Variants in GPC3 observed in about 807,000 individuals in gnomAD.
GPC3 encodes the protein glypican-3.
A neutral mutation model predicts 34.4 loss-of-function variants in GPC3; 3 were observed. That is an observed-to-expected ratio of 0.09 (90% confidence interval 0.04 to 0.23). The LOEUF (loss-of-function observed/expected upper bound fraction) is 0.23. GPC3 is among the 10% of genes least tolerant of loss of function. GPC3 has a pLI of 1.00. For synonymous variants in GPC3, 177 were observed against 174.0 expected (o/e 1.02, Z -0.13); for missense variants, 351 against 445.6 (o/e 0.79, Z 1.91).
chrX:133,640,135 C>T (rs777948779), intron 6 of GPC3, among the ~76,000 whole-genome samples: 24 of 112,039 alleles, frequency 2.1e-4, no homozygotes, highest in Middle Eastern at 4.7e-3. Context: ...TATTTCCTGT[C>T]TTAGGCACAG....
intron 2 of GPC3, among the ~76,000 whole-genome samples, chrX:133,877,744 A>T (rs961953460): frequency 1.6e-4 from 18 of 112,333 alleles, no homozygotes; most frequent in African/African-American, 5.8e-4. Context: ...GCCATAAAAA[A>T]ATAGGTTTTA....
intron 7 of GPC3, among the ~76,000 whole-genome samples, chrX:133,583,551 G>A (rs1174855900): frequency 9.0e-6 from 1 of 110,813 alleles, no homozygotes; most frequent in Non-Finnish European, 1.9e-5. Context: ...TTTTAGTAGA[G>A]ACGGGATGTT....
intron 2 of GPC3, among the ~76,000 whole-genome samples, chrX:133,924,125 A>G (rs1486193575): frequency 8.9e-6 from 1 of 112,015 alleles, no homozygotes; most frequent in Non-Finnish European, 1.9e-5. Flanking sequence ...CTTTAACATT[A>G]ACACTTGGCT....
At chrX:133,561,082 A>T (rs959856236) in intron 7 of GPC3, among the ~76,000 whole-genome samples, 3 of 112,293 alleles carry the variant, frequency 2.7e-5, no homozygotes, top group African/African-American at 9.7e-5. Flanking sequence ...CATGCTGCCC[A>T]TCATCAACCT....
At chrX:133,892,270 C>T (rs1322652967) in intron 2 of GPC3, among the ~76,000 whole-genome samples, 1 of 111,880 alleles carries the variant, frequency 8.9e-6, no homozygotes, top group Non-Finnish European at 1.9e-5. Context: ...AAAACCAAAA[C>T]TATCGACAAA....
intron 3 of GPC3, among the ~76,000 whole-genome samples, chrX:133,718,512 C>T (rs1267550579): frequency 1.8e-4 from 20 of 111,348 alleles, no homozygotes; most frequent in Non-Finnish European, 1.9e-5. Flanking sequence ...ACTGGACAAA[C>T]TGAGAAGCAA....
chrX:133,785,538 T>C (rs1441080494), intron 2 of GPC3, among the ~76,000 whole-genome samples: 1 of 111,811 alleles, frequency 8.9e-6, no homozygotes, highest in African/African-American at 3.3e-5. Context: ...TACAGATAAA[T>C]AGCTTCGTAC....
intron 1 of GPC3, among the ~76,000 whole-genome samples, chrX:133,955,809 A>G (rs1235395460): frequency 8.9e-6 from 1 of 112,367 alleles, no homozygotes; most frequent in African/African-American, 3.2e-5. Flanking sequence ...AAGTCATACT[A>G]GAAAGCATAT....
At chrX:133,839,923 G>A (rs866361524) in intron 2 of GPC3, among the ~76,000 whole-genome samples, 5 of 59,484 alleles carry the variant, frequency 8.4e-5, no homozygotes, top group Non-Finnish European at 1.1e-4. Context: ...GCGAGACTCC[G>A]TTTCAAAAAA....
intron 7 of GPC3, among the ~76,000 whole-genome samples, chrX:133,560,451 T>G (rs1317373379): frequency 8.9e-6 from 1 of 112,628 alleles, no homozygotes; most frequent in East Asian, 2.8e-4. Flanking sequence ...AAAAAGTGCC[T>G]ATTTTGGCCG....
intron 3 of GPC3, among the ~76,000 whole-genome samples, chrX:133,740,858 G>A (rs957386302): frequency 1.6e-4 from 17 of 109,151 alleles, no homozygotes; most frequent in African/African-American, 5.6e-4. Context: ...ATGAATGTGT[G>A]GGTTTTTTGT....
At chrX:133,640,272 G>C (rs757324155) in intron 6 of GPC3, among the ~76,000 whole-genome samples, 49 of 111,761 alleles carry the variant, frequency 4.4e-4, no homozygotes, top group Non-Finnish European at 8.3e-4. Context: ...AACACAGACA[G>C]AATTACCTGC....
chrX:133,691,788 A>G (rs1472480619), intron 5 of GPC3, among the ~76,000 whole-genome samples: 1 of 112,223 alleles, frequency 8.9e-6, no homozygotes, highest in African/African-American at 3.2e-5. Flanking sequence ...AATCAAATAA[A>G]TAAGGACCCA....
chrX:133,557,556 T>C lies in GPC3; in HGVS notation c.1574-21263A>G, dbSNP rs113967613. ...TTGGATTATGGAGCAAATCCTAGTA[T>C]GTGAGCTACCACTATGGTGCTTGGT... On this transcript the variant is annotated intron_variant, in intron 7 of 7. Coordinates refer to ENST00000370818, the MANE Select transcript of GPC3 (RefSeq NM_004484.4). Among the ~76,000 whole-genome samples the C allele has an allele frequency of 4.9e-3, 548 of 112,113 alleles. 6 individuals carry two copies. The highest frequency in any genetic ancestry group is 0.017 in the African/African-American group (518 of 30,930).
chrX:133,902,090 G>A (rs770808472), intron 2 of GPC3, among the ~76,000 whole-genome samples: 5 of 112,150 alleles, frequency 4.5e-5, no homozygotes, highest in Non-Finnish European at 9.4e-5. Flanking sequence ...GGATGAAGAT[G>A]CCATCTAAAT....
At chrX:133,735,844 T>A (rs1023243005) in intron 3 of GPC3, among the ~76,000 whole-genome samples, 2 of 109,143 alleles carry the variant, frequency 1.8e-5, no homozygotes, top group African/African-American at 3.3e-5. Context: ...GTGCCTGTAG[T>A]CCCAGCTACT....
chrX:133,791,506 C>T (rs887843216), intron 2 of GPC3, among the ~76,000 whole-genome samples: 1 of 111,715 alleles, frequency 9.0e-6, no homozygotes, highest in Non-Finnish European at 1.9e-5. Flanking sequence ...TACATAGAAG[C>T]AGCTCAATAA....
intron 2 of GPC3, among the ~76,000 whole-genome samples, chrX:133,937,347 A>G (rs1197883177): frequency 9.0e-6 from 1 of 111,454 alleles, no homozygotes; most frequent in Non-Finnish European, 1.9e-5. Flanking sequence ...AATTGAAGCT[A>G]TATTCTCTGG....
At chrX:133,848,434 A>C (rs1354316604) in intron 2 of GPC3, among the ~76,000 whole-genome samples, 1 of 112,309 alleles carries the variant, frequency 8.9e-6, no homozygotes, top group African/African-American at 3.2e-5. Flanking sequence ...AAGATGAACT[A>C]GGAGATACAC....
Sources: gnomAD v4.1 joint callset for allele counts (sites outside exome capture counted in the v4.1 genomes callset) on GRCh38, gnomAD v4.1.1 for gene constraint, MANE v1.5 for transcripts, NCBI Gene and HGNC (gene_info 2026-07-23, HGNC 2026-07-21) for gene names.